The following RESF1 variants were observed in gnomAD, a reference collection of about 807,000 sequenced individuals.
RESF1 encodes the protein retroelement silencing factor 1.
In RESF1, 65 loss-of-function variants were observed where a neutral mutation model predicts 134.7. The ratio of observed to expected loss-of-function variants is 0.48; its 90% CI spans 0.40 to 0.59. The LOEUF is 0.59. Ranked by LOEUF, RESF1 falls within the 20% of genes least tolerant of loss-of-function variation. The pLI is 0.00. For synonymous variants in RESF1, 762 were observed against 702.2 expected, an observed-to-expected ratio of 1.09 and a Z score of -1.35; for missense variants, 2,274 against 2,002.7, an observed-to-expected ratio of 1.14 and a Z score of -2.59.
chr12:31,990,049 G>A (rs1940064199), intron 5 of RESF1, among the ~76,000 whole-genome samples: 2 of 152,146 alleles, frequency 1.3e-5, no homozygotes, highest in Admixed American at 6.6e-5. Flanking sequence ...AAATGGGTAC[G>A]AAGATTGGAG....
At position 31,985,623 on chromosome 12, in the gene RESF1, C is replaced by G; in HGVS notation, c.4668C>G (p.Asp1556Glu). ...DKIWIDKTKL[D>E]KLTNISNEAQ... ...TATGGATTGATAAGACTAAATTAGA[C>G]AAATTAACCAATATAAGCAACGAAG... The change falls in exon 4 of 6, where the codon GAC becomes GAG. Residue 1556 changes from aspartate (D) to glutamate (E), a missense_variant. Transcript: ENST00000312561. The G allele has an allele frequency of 6.2e-7, 1 of 1,607,962 alleles. No individual in the cohort carries two copies. The highest frequency in any genetic ancestry group is 8.5e-7 in the Non-Finnish European group (1 of 1,178,620).
rs534197561 is a variant in RESF1 at position 31,983,930 on chromosome 12, T to C, written c.2975T>C (p.Ile992Thr). ...SFNNLETNRV[I>T]LEKSSLEHAT... ...AACAATCTTGAAACAAACAGAGTTA[T>C]TCTAGAGAAAAGTAGTTTGGAGCAT... Residue 992 changes from isoleucine (I) to threonine (T), a missense_variant, in exon 4 of 6, where the codon ATT (isoleucine) becomes ACT (threonine). By Grantham distance (89) the Ile-to-Thr change is moderately conservative. Transcript: ENST00000312561. 49 of 1,613,888 alleles carry C rather than the reference T, an allele frequency of 3.0e-5. No individual in the cohort carries two copies. The highest frequency in any genetic ancestry group is 4.0e-5 in the Non-Finnish European group (47 of 1,179,950).
chr12:31,983,073 A>C lies in RESF1; in HGVS notation c.2118A>C (p.Ser706=). 1 of 1,613,642 alleles carries C rather than the reference A, an allele frequency of 6.2e-7. No homozygotes were observed. The highest frequency in any genetic ancestry group is 8.5e-7 in the Non-Finnish European group (1 of 1,179,932). Residue 706 remains serine, a synonymous_variant, in exon 4 of 6, where the codon TCA becomes TCC. Transcript: ENST00000312561. ...CAAACACAACAGCAGTTGGAATTTC[A>C]AAGCCTGCTAACATCCACGTTAAGA... ...LRTNTTAVGI[S]KPANIHVKSP...
chr12:31,959,666 C>G (rs1939207368), intron 1 of RESF1, 175 bp downstream of exon 1: 1 of 151,062 alleles, frequency 6.6e-6, no homozygotes, highest in Non-Finnish European at 1.5e-5. Flanking sequence ...GGCCTCGGGC[C>G]CCGCCGGCTC....
Position 31,984,296 on chromosome 12 carries a change from TGAAA to T in RESF1, c.3346_3349del (p.Glu1116TyrfsTer11). The T allele has an allele frequency of 1.2e-6, 2 of 1,613,618 alleles. No individual in the cohort carries two copies. Among genetic ancestry groups the T allele is most frequent in the East Asian group, 2.2e-5 (1 of 44,886 alleles). On this transcript the variant is annotated frameshift_variant, in exon 4 of 6. Transcript: ENST00000312561. LOFTEE classifies it high-confidence loss of function. ...ATTACAATATTAAGCTCAGAGCAAA[TGAAA>T]GAAATATTTCCTGAACAGGATGATC... is the stretch of plus-strand genomic sequence containing the variant.
chr12:31,979,021 C>T (rs182209905), intron 3 of RESF1, among the ~76,000 whole-genome samples: 9 of 149,252 alleles, frequency 6.0e-5, no homozygotes, highest in African/African-American at 2.2e-4. Context: ...ACCGGGTTCT[C>T]ACCATTCTCC....
rs754206471 is a variant in RESF1 at position 31,984,370 on chromosome 12, C to T, written c.3415C>T (p.Pro1139Ser). Reference protein sequence around the residue: ...DKLAEPQKEEPITEVVSQCDL... With the variant: ...DKLAEPQKEESITEVVSQCDL... ...GTTGGCAGAACCTCAGAAAGAAGAG[C>T]CCATCACAGAAGTAGTTAGCCAGTG... Residue 1139 changes from proline to serine, a missense_variant, in exon 4 of 6, where the codon CCC becomes TCC. Transcript: ENST00000312561. 3.7e-6 allele frequency: 6 copies of T among 1,614,114 alleles called. No individual in the cohort carries two copies. In the Admixed American group the frequency reaches 1.0e-4, roughly 27 times the overall value.
At chr12:31,980,156 G>C (rs1939745616) in intron 3 of RESF1, among the ~76,000 whole-genome samples, 1 of 126,764 alleles carries the variant, frequency 7.9e-6, no homozygotes, top group South Asian at 2.7e-4. Flanking sequence ...CTGTCACCCA[G>C]ACTAGAGTGC....
At position 31,989,757 on chromosome 12, in the gene RESF1, C is replaced by T. The variant is rs765113850; in HGVS notation, c.5086+2435C>T. On this transcript the variant is annotated intron_variant, in intron 5 of 5. Transcript: ENST00000312561. ...ATACCAGCTATTCAGTAGGCTGAGA[C>T]GGGAGAATCACTTGAACCTGTGAGG... 3.3e-5 allele frequency among the ~76,000 whole-genome samples: 5 copies of T among 152,144 alleles called. 1 individual carries two copies. In the South Asian group the frequency reaches 1.0e-3, roughly 32 times the overall value.
chr12:31,988,022 A>C (rs1940012743), intron 5 of RESF1, among the ~76,000 whole-genome samples: 1 of 152,202 alleles, frequency 6.6e-6, no homozygotes, highest in African/African-American at 2.4e-5. Flanking sequence ...GACATGAGAC[A>C]CCGTGCCTGG....
At position 31,985,857 on chromosome 12, in the gene RESF1, G is replaced by A. The variant is rs1257894700; in HGVS notation, c.4902G>A (p.Glu1634=). The A allele has an allele frequency of 2.6e-6, 4 of 1,559,644 alleles. No homozygotes were observed. The highest frequency in any genetic ancestry group is 2.3e-5 in the East Asian group (1 of 44,290). The change falls in exon 4 of 6, where the codon GAG becomes GAA. Residue 1634 remains glutamate, a synonymous_variant. Coordinates refer to ENST00000312561, the MANE Select transcript of RESF1 (RefSeq NM_018169.4). ...ACACAGAAAAATCAAACATGCTGGA[G>A]TTTAAATTATGTCCAGATATCTTAC... ...KGNTEKSNML[E]FKLCPDILLK...
At chr12:31,967,810 C>T (rs1159626840) in intron 2 of RESF1, among the ~76,000 whole-genome samples, 2 of 152,120 alleles carry the variant, frequency 1.3e-5, no homozygotes, top group Non-Finnish European at 2.9e-5. Context: ...GATCAAAATT[C>T]AAAGTACAAT....
chr12:31,985,819 C>G lies in RESF1; in HGVS notation c.4864C>G (p.Pro1622Ala), dbSNP rs748015063. The change falls in exon 4 of 6, where the codon CCG becomes GCG. Residue 1622 changes from proline to alanine, a missense_variant. Pro to Ala is a conservative substitution (Grantham distance 27). Transcript: ENST00000312561. ...RQENKHKTFL[P>A]VKGNTEKSNM... ...GGAAAATAAACATAAGACCTTTTTA[C>G]CGGTGAAAGGTAACACAGAAAAATC... is the stretch of plus-strand genomic sequence containing the variant. 10 of 1,565,772 alleles carry G rather than the reference C, an allele frequency of 6.4e-6. No homozygotes were observed. Among genetic ancestry groups the G allele is most frequent in the South Asian group, 3.6e-5 (3 of 82,694 alleles).
At chr12:31,961,831 C>A (rs902884789) in intron 2 of RESF1, among the ~76,000 whole-genome samples, 1 of 152,174 alleles carries the variant, frequency 6.6e-6, no homozygotes, top group Non-Finnish European at 1.5e-5. Context: ...TACATTATCT[C>A]TGTGATTGTA....
In RESF1 at chr12:31,992,849, G is replaced by A. The variant is rs181364628; in HGVS notation, c.*314G>A. 6.7e-4 allele frequency: 207 copies of A among 308,040 alleles called. No homozygotes were observed. Among genetic ancestry groups the A allele is most frequent in the African/African-American group, 4.0e-3 (177 of 44,774 alleles). 19.1% of individuals were successfully genotyped at this position (308,040 alleles called of 1,614,324 possible). ...ATTCTACCCATCTTGAGGGAGGACC[G>A]TTCCTCAGTTAAGGACTTGTTTATT... On this transcript the variant is annotated 3_prime_UTR_variant, in exon 6 of 6. Transcript: ENST00000312561.
chr12:31,975,175 G>A (rs931255546), intron 3 of RESF1, among the ~76,000 whole-genome samples: 1 of 152,102 alleles, frequency 6.6e-6, no homozygotes, highest in African/African-American at 2.4e-5. Context: ...TCGGGAGGCT[G>A]AGGCAGGAGA....
intron 5 of RESF1, among the ~76,000 whole-genome samples, chr12:31,988,743 T>G (rs1356245307): frequency 6.6e-6 from 1 of 151,954 alleles, no homozygotes; most frequent in Non-Finnish European, 1.5e-5. Flanking sequence ...CAGGCTGGAG[T>G]ACAGTGGCAC....
chr12:31,984,605 A>G lies in RESF1; in HGVS notation c.3650A>G (p.Gln1217Arg). The G allele has an allele frequency of 6.3e-7, 1 of 1,576,956 alleles. No homozygotes were observed. Among genetic ancestry groups the G allele is most frequent in the Non-Finnish European group, 8.6e-7 (1 of 1,166,624 alleles). Residue 1217 changes from glutamine to arginine, a missense_variant, in exon 4 of 6, where the codon CAA becomes CGA. Physicochemically the swap from Gln to Arg is conservative, Grantham distance 43 (BLOSUM62 1). Coordinates refer to ENST00000312561, the MANE Select transcript of RESF1 (RefSeq NM_018169.4). Reference protein sequence around the residue: ...CSPLDTNSCKQGERTSDRDVT... With the variant: ...CSPLDTNSCKRGERTSDRDVT... ...CCTTTGGATACCAACAGTTGTAAACAAGGAGAGAGAACTTCTGATAGAGAT... is the reference window on the plus strand; with the variant it reads ...CCTTTGGATACCAACAGTTGTAAACGAGGAGAGAGAACTTCTGATAGAGAT...
intron 2 of RESF1, among the ~76,000 whole-genome samples, chr12:31,965,704 A>C (rs1939383709): frequency 6.6e-6 from 1 of 152,152 alleles, no homozygotes; most frequent in Non-Finnish European, 1.5e-5. Flanking sequence ...ACTTCTGGCC[A>C]ACATGGTGAA....
Sources: allele counts gnomAD v4.1 joint callset (sites outside exome capture counted in the v4.1 genomes callset), GRCh38; gene constraint gnomAD v4.1.1; transcripts MANE v1.5; gene names NCBI Gene and HGNC (gene_info 2026-07-23, HGNC 2026-07-21).